The following PRSS56 variants were observed in gnomAD, a reference collection of about 807,000 sequenced individuals.
The protein encoded by PRSS56 is serine protease 56.
PRSS56 carries 55 observed loss-of-function variants against 66.8 expected under a neutral mutation model. That is an observed-to-expected ratio of 0.82 (90% CI 0.66 to 1.03). The LOEUF is 1.03. PRSS56 is among the 50% of genes least tolerant of loss of function. PRSS56 has a pLI of 0.00. For missense variants in PRSS56, 869 were observed against 837.2 expected (o/e 1.04, Z -0.47); for synonymous variants, 409 against 387.9 (o/e 1.05, Z -0.64).
In PRSS56 at chr2:232,523,462, C is replaced by T; in HGVS notation, c.896C>T (p.Pro299Leu). 5.9e-6 allele frequency: 9 copies of T among 1,516,442 alleles called. No individual in the cohort carries two copies. Among genetic ancestry groups the T allele is most frequent in the Non-Finnish European group, 7.9e-6 (9 of 1,137,430 alleles). 93.9% of individuals were successfully genotyped at this position (1,516,442 alleles called of 1,614,324 possible). A position where few individuals can be genotyped will look rare whatever the true frequency, so the allele number is the denominator to read the frequency against. Residue 299 changes from proline to leucine, a missense_variant, in exon 8 of 13, where the codon CCT (proline) becomes CTT (leucine). Pro to Leu is a moderately conservative substitution (Grantham distance 98, BLOSUM62 -3). Coordinates refer to ENST00000617714, the MANE Select transcript of PRSS56 (RefSeq NM_001195129.2). ...ACCTGTTCTGAGCCTGGCCCCCGCC[C>T]TAGAGAGGTCCTGTTCGGAGTCACC... Reference protein sequence around the residue: ...PLTCSEPGPRPREVLFGVTSW... With the variant: ...PLTCSEPGPRLREVLFGVTSW...
chr2:232,520,773 A>T, intron 1 of PRSS56, 78 bp downstream of exon 1: 1 of 955,686 alleles, frequency 1.0e-6, no homozygotes, highest in Non-Finnish European at 1.5e-6. Flanking sequence ...GCGGGGACAG[A>T]AGAGCTTGTC....
At chr2:232,523,390 C>T in intron 7 of PRSS56, 26 bp from the exon 8 acceptor site, 2 of 1,434,080 alleles carry the variant, frequency 1.4e-6, no homozygotes, top group South Asian at 1.5e-5. Flanking sequence ...CAGGTGAATG[C>T]AGCGTCCTCT....
intron 12 of PRSS56, 35 bp downstream of exon 12, chr2:232,524,879 G>A (rs1275002687): frequency 1.4e-6 from 2 of 1,458,592 alleles, no homozygotes; most frequent in Non-Finnish European, 1.9e-6. Context: ...CTTCACGATG[G>A]CCTGGGAAGG....
intron 11 of PRSS56, 34 bp downstream of exon 11, chr2:232,524,403 A>C: frequency 6.5e-7 from 1 of 1,529,144 alleles, no homozygotes. Flanking sequence ...TCAGGAGGGG[A>C]TAGGCTGAGG....
In PRSS56 at chr2:232,522,522, A is replaced by G; in HGVS notation, c.454A>G (p.Asn152Asp). 2 of 1,530,706 alleles carry G rather than the reference A, an allele frequency of 1.3e-6. No individual in the cohort carries two copies. The highest frequency in any genetic ancestry group is 1.7e-6 in the Non-Finnish European group (2 of 1,144,374). The allele number at this position is 1,530,706 out of a possible 1,614,324, so 94.8% of individuals were successfully genotyped here. A position where few individuals can be genotyped will look rare whatever the true frequency, so the allele number is the denominator to read the frequency against. Residue 152 changes from asparagine to aspartate, a missense_variant, in exon 5 of 13, where the codon AAT (asparagine) becomes GAT (aspartate). Asn to Asp is a conservative substitution (Grantham distance 23). Around this residue, in one of 3 missense-constraint regions of PRSS56, gnomAD observed 315 missense variants for 313.7 expected, o/e 1.00. Coordinates refer to ENST00000617714, the MANE Select transcript of PRSS56 (RefSeq NM_001195129.2). ...CTGCCGCTCGACCCGCAGCGCCCCG[A>G]ATGAGCTTCTGTGGACTGTGACGCT... ...TAAHCFVGAP[N>D]ELLWTVTLAE...
At position 232,523,143 on chromosome 2, in the gene PRSS56, C is replaced by G. The variant is rs761878699; in HGVS notation, c.790C>G (p.Leu264Val). The G allele has an allele frequency of 2.4e-5, 37 of 1,531,600 alleles. No individual in the cohort carries two copies. Among genetic ancestry groups the G allele is most frequent in the Non-Finnish European group, 3.1e-5 (36 of 1,144,568 alleles). 94.9% of individuals were successfully genotyped at this position (1,531,600 alleles called of 1,614,324 possible). A position where few individuals can be genotyped will look rare whatever the true frequency, so the allele number is the denominator to read the frequency against. ...CTGCCGAAGAGCCCTGGGGCCCGGG[C>G]TGCGCCCCAGCACCATGCTCTGCGC... ...DTCRRALGPGLRPSTMLCAGY... is the reference protein window; with the variant it reads ...DTCRRALGPGVRPSTMLCAGY... Residue 264 changes from leucine to valine, a missense_variant, in exon 7 of 13, where the codon CTG (leucine) becomes GTG (valine). Leu to Val is a conservative substitution (Grantham distance 32, BLOSUM62 1). This residue lies in a region of PRSS56 where 551 missense variants were observed against 506.9 expected (regional missense o/e 1.09). Transcript: ENST00000617714.
intron 5 of PRSS56, 21 bp from the exon 6 acceptor site, chr2:232,522,681 G>A (rs1574622833): frequency 1.3e-6 from 2 of 1,533,530 alleles, no homozygotes; most frequent in South Asian, 2.4e-5. Context: ...CCTTGACCCT[G>A]CGCCGCCTCC....
chr2:232,523,993 C>A (rs776755213), intron 9 of PRSS56, 46 bp from the exon 10 acceptor site: 3 of 1,524,046 alleles, frequency 2.0e-6, no homozygotes, highest in East Asian at 5.1e-5. Flanking sequence ...GGGGAGGGGG[C>A]CTGGCCAGCC....
intron 4 of PRSS56, 159 bp from the exon 5 acceptor site, chr2:232,522,356 G>T: frequency 1.2e-6 from 1 of 808,308 alleles, no homozygotes; most frequent in Non-Finnish European, 1.8e-6. Flanking sequence ...GGCACGGCCG[G>T]GCGAGTTCGC....
In PRSS56 at chr2:232,523,462, C is replaced by A. The variant is rs1029846924; in HGVS notation, c.896C>A (p.Pro299His). The A allele has an allele frequency of 6.6e-7, 1 of 1,516,442 alleles. No homozygotes were observed. Among genetic ancestry groups the A allele is most frequent in the Admixed American group, 2.1e-5 (1 of 48,722 alleles). 93.9% of individuals were successfully genotyped at this position (1,516,442 alleles called of 1,614,324 possible). A position where few individuals can be genotyped will look rare whatever the true frequency, so the allele number is the denominator to read the frequency against. The change falls in exon 8 of 13, where the codon CCT becomes CAT. Residue 299 changes from proline to histidine, a missense_variant. This residue lies in a region of PRSS56 where 551 missense variants were observed against 506.9 expected (regional missense o/e 1.09). Transcript: ENST00000617714. ...ACCTGTTCTGAGCCTGGCCCCCGCC[C>A]TAGAGAGGTCCTGTTCGGAGTCACC... The part of the protein sequence containing the change: ...PLTCSEPGPR[P>H]REVLFGVTSW...
chr2:232,523,290 G>T lies in PRSS56; in HGVS notation c.849+88G>T, dbSNP rs879920180. On this transcript the variant is annotated intron_variant, in intron 7 of 12. Coordinates refer to ENST00000617714, the MANE Select transcript of PRSS56 (RefSeq NM_001195129.2). ...TTCCTTCCACGTCTGTCTGTCACTC[G>T]ACTTCTCTGAGCCTCTCTGTCCTCA... is the stretch of plus-strand genomic sequence containing the variant. The T allele has an allele frequency of 1.1e-5, 15 of 1,421,194 alleles. No homozygotes were observed. The East Asian group carries it at 3.6e-4, about 34-fold the overall frequency. 88.0% of individuals were successfully genotyped at this position (1,421,194 alleles called of 1,614,324 possible).
At position 232,523,846 on chromosome 2, in the gene PRSS56, G is replaced by A; in HGVS notation, c.1087G>A (p.Ala363Thr). 1 of 1,533,126 alleles carries A rather than the reference G, an allele frequency of 6.5e-7. No individual in the cohort carries two copies. Among genetic ancestry groups the A allele is most frequent in the Non-Finnish European group, 8.7e-7 (1 of 1,146,120 alleles). 95.0% of individuals were successfully genotyped at this position (1,533,126 alleles called of 1,614,324 possible). ...CCCCCAGGAGCTGCAGGCAGACGCC[G>A]CCCGGCTCTGCGCCTTCTATGCCCG... ...DPPQELQADA[A>T]RLCAFYARLC... The change falls in exon 9 of 13, where the codon GCC becomes ACC. Residue 363 changes from alanine to threonine, a missense_variant. This residue lies in a region of PRSS56 where 551 missense variants were observed against 506.9 expected (regional missense o/e 1.09). Transcript: ENST00000617714.
At chr2:232,525,148 G>A in intron 12 of PRSS56, 68 bp from the exon 13 acceptor site, 2 of 1,390,806 alleles carry the variant, frequency 1.4e-6, no homozygotes, top group Non-Finnish European at 9.4e-7. Flanking sequence ...GGGGAGAGGG[G>A]GTGACCTCTG....
chr2:232,520,908 C>T (rs951528008), intron 1 of PRSS56, among the ~76,000 whole-genome samples: 10 of 152,072 alleles, frequency 6.6e-5, no homozygotes, highest in African/African-American at 9.7e-5. Context: ...TTGAGCATGC[C>T]GAAAGGAATG....
intron 2 of PRSS56, among the ~76,000 whole-genome samples, 178 bp from the exon 3 acceptor site, chr2:232,521,638 C>T (rs1360464573): frequency 1.3e-5 from 2 of 152,214 alleles, no homozygotes; most frequent in African/African-American, 4.8e-5. Context: ...GGCAGGGAGG[C>T]GGAAACACTC....
Position 232,520,561 on chromosome 2 carries a change from G to T in PRSS56, c.-38G>T. 6.7e-7 allele frequency: 1 copy of T among 1,497,782 alleles called. No individual in the cohort carries two copies. The highest frequency in any genetic ancestry group is 9.0e-7 in the Non-Finnish European group (1 of 1,111,992). 92.8% of individuals were successfully genotyped at this position (1,497,782 alleles called of 1,614,324 possible). On this transcript the variant is annotated 5_prime_UTR_variant, in exon 1 of 13. Coordinates refer to ENST00000617714, the MANE Select transcript of PRSS56 (RefSeq NM_001195129.2). ...CCCGGAAGGTGGACTCCGAGGAGGA[G>T]AGAGGACAGGGGTCTCTCACCCCAG...
Position 232,522,170 on chromosome 2 carries a change from A to G in PRSS56, c.446+10A>G. 6.8e-7 allele frequency: 1 copy of G among 1,477,694 alleles called. No homozygotes were observed. 91.5% of individuals were successfully genotyped at this position (1,477,694 alleles called of 1,614,324 possible). On this transcript the variant is annotated intron_variant, in intron 4 of 12. Coordinates refer to ENST00000617714, the MANE Select transcript of PRSS56 (RefSeq NM_001195129.2). ...CGCACTGCTTTGTAGGGTAAGTAGG[A>G]CCCCCAGGCCTTGCCCAGCTGGGGT...
chr2:232,523,623 A>T (rs1442541882), intron 8 of PRSS56, 45 bp downstream of exon 8: 1 of 1,503,368 alleles, frequency 6.7e-7, no homozygotes, highest in African/African-American at 1.4e-5. Context: ...GCCCCAACGG[A>T]CAACCGTGGG....
Position 232,521,425 on chromosome 2 carries a change from C to G in PRSS56, c.202C>G (p.Arg68Gly). 1 of 1,535,648 alleles carries G rather than the reference C, an allele frequency of 6.5e-7. No homozygotes were observed. The change falls in exon 2 of 13, where the codon CGA becomes GGA. Residue 68 changes from arginine to glycine, a missense_variant. Around this residue, in one of 3 missense-constraint regions of PRSS56, gnomAD observed 315 missense variants for 313.7 expected, o/e 1.00. Transcript: ENST00000617714. ...MEIQHRSHEC[R>G]GSGRPRPQAL... Reference sequence around the variant, plus strand: ...GATCCAGCACAGATCGCACGAGTGCCGAGGTGCCCACCCTGCCCCCCGTGC... The same window carrying G: ...GATCCAGCACAGATCGCACGAGTGCGGAGGTGCCCACCCTGCCCCCCGTGC...
Sources: gnomAD v4.1 joint callset for allele counts (sites outside exome capture counted in the v4.1 genomes callset) on GRCh38, gnomAD v4.1.1 for gene constraint, gnomAD v4.1.1 regional missense constraint, MANE v1.5 for transcripts, NCBI Gene and HGNC (gene_info 2026-07-23, HGNC 2026-07-21) for gene names.